Variants in JMJD1C observed in about 807,000 individuals in gnomAD.
The protein encoded by JMJD1C is jumonji domain-containing protein 1C.
A neutral mutation model predicts 245.3 loss-of-function variants in JMJD1C; 31 were observed. That is an observed-to-expected ratio of 0.13 (90% CI 0.09 to 0.17). The LOEUF (loss-of-function observed/expected upper bound fraction) is 0.17. Among genes scored for constraint, JMJD1C ranks in the 10% least tolerant of loss-of-function variants. JMJD1C has a pLI of 1.00. For missense variants in JMJD1C, 2,691 were observed against 3,000.2 expected, an observed-to-expected ratio of 0.90 and a Z score of 2.41; for synonymous variants, 1,057 against 1,017.4, an observed-to-expected ratio of 1.04 and a Z score of -0.74.
intron 2 of JMJD1C, among the ~76,000 whole-genome samples, chr10:63,368,677 G>A (rs1420314455): frequency 6.6e-6 from 1 of 152,148 alleles, no homozygotes; most frequent in African/African-American, 2.4e-5. Context: ...TTTACCTTAT[G>A]TAAATAAATC....
intron 10 of JMJD1C, chr10:63,202,359 A>G (rs760736064): frequency 8.1e-6 from 8 of 984,616 alleles, no homozygotes; most frequent in Non-Finnish European, 9.6e-6. Flanking sequence ...TATATGTCAG[A>G]TATTAGATTT....
intron 23 of JMJD1C, chr10:63,177,281 A>G (rs1260471941): frequency 5.4e-6 from 1 of 185,016 alleles, no homozygotes; most frequent in Non-Finnish European, 1.1e-5. Flanking sequence ...TAAGTATCAT[A>G]GTATCAGATG....
chr10:63,362,439 T>C (rs1945466084), intron 2 of JMJD1C, among the ~76,000 whole-genome samples: 2 of 149,854 alleles, frequency 1.3e-5, no homozygotes, highest in South Asian at 4.3e-4. Flanking sequence ...ATCACAATAG[T>C]TTAAATAGTT....
chr10:63,434,445 T>C (rs1417831904), intron 1 of JMJD1C, among the ~76,000 whole-genome samples: 1 of 152,086 alleles, frequency 6.6e-6, no homozygotes, highest in Non-Finnish European at 1.5e-5. Context: ...GGAGCCTTTG[T>C]AAGTCAAGGA....
chr10:63,363,486 G>A (rs1945580329), intron 2 of JMJD1C, among the ~76,000 whole-genome samples: 1 of 151,936 alleles, frequency 6.6e-6, no homozygotes, highest in African/African-American at 2.4e-5. Context: ...GAGAACTCAT[G>A]AGTTCAGGGA....
chr10:63,399,991 T>A (rs1181170191), intron 1 of JMJD1C, among the ~76,000 whole-genome samples: 5 of 152,122 alleles, frequency 3.3e-5, no homozygotes, highest in African/African-American at 1.2e-4. Flanking sequence ...CTCAAATATA[T>A]TTACTTAAAT....
chr10:63,446,086 G>A (rs937347330), intron 1 of JMJD1C, among the ~76,000 whole-genome samples: 1 of 151,800 alleles, frequency 6.6e-6, no homozygotes. Context: ...TGTTGCCCAG[G>A]CTGGTCTTGA....
At chr10:63,259,480 G>C (rs551800404) in intron 3 of JMJD1C, among the ~76,000 whole-genome samples, 1 of 152,074 alleles carries the variant, frequency 6.6e-6, no homozygotes, top group Non-Finnish European at 1.5e-5. Flanking sequence ...CTAGGCAACT[G>C]TTTGAGCTAT....
intron 1 of JMJD1C, among the ~76,000 whole-genome samples, chr10:63,419,151 C>T (rs1004757078): frequency 8.6e-5 from 13 of 150,552 alleles, no homozygotes; most frequent in Non-Finnish European, 1.2e-4. Context: ...TTTGGGAGGC[C>T]GAGGAGGGTC....
chr10:63,205,080 G>A, intron 10 of JMJD1C: 4 of 929,466 alleles, frequency 4.3e-6, no homozygotes, highest in Non-Finnish European at 5.1e-6. Flanking sequence ...AGAGTAAAAT[G>A]ATATAGAAAC....
chr10:63,300,020 T>C (rs1270678576), intron 2 of JMJD1C, among the ~76,000 whole-genome samples: 8 of 152,176 alleles, frequency 5.3e-5, no homozygotes, highest in Admixed American at 3.9e-4. Flanking sequence ...TTGATGAGTA[T>C]GTACAATTAG....
At chr10:63,337,986 C>T (rs190016419) in intron 2 of JMJD1C, among the ~76,000 whole-genome samples, 1 of 152,300 alleles carries the variant, frequency 6.6e-6, no homozygotes, top group African/African-American at 2.4e-5. Flanking sequence ...AACATACAAG[C>T]TCATAATCTT....
intron 2 of JMJD1C, among the ~76,000 whole-genome samples, chr10:63,370,731 G>A (rs1946247053): frequency 6.6e-6 from 1 of 152,200 alleles, no homozygotes; most frequent in Non-Finnish European, 1.5e-5. Flanking sequence ...ATTAAGGACA[G>A]TTTTTTAAAT....
chr10:63,253,177 A>T (rs373369191), intron 3 of JMJD1C, among the ~76,000 whole-genome samples: 1 of 152,318 alleles, frequency 6.6e-6, no homozygotes, highest in East Asian at 1.9e-4. Flanking sequence ...TACTGGAAGT[A>T]ATCAAAACAG....
chr10:63,511,955 T>C lies in JMJD1C; in HGVS notation n.113+9783A>G, dbSNP rs1954885447. On this transcript the variant is annotated intron_variant and non_coding_transcript_variant, in intron 1 of 3. Coordinates refer to the JMJD1C transcript ENST00000633035. ...TTCAATTTTTACTTCTCTCAGCGGT[T>C]TCCCTGGAGTTTGCAATAAACACTT... Among the ~76,000 whole-genome samples, 4 of 152,194 alleles carry C rather than the reference T, an allele frequency of 2.6e-5. No homozygotes were observed. In the South Asian group the frequency reaches 8.3e-4, roughly 31 times the overall value.
chr10:63,261,323 T>C (rs951513983), intron 3 of JMJD1C, among the ~76,000 whole-genome samples: 5 of 152,192 alleles, frequency 3.3e-5, no homozygotes, highest in Non-Finnish European at 7.3e-5. Flanking sequence ...CTCACAACTG[T>C]ATTCTCAGTA....
intron 1 of JMJD1C, among the ~76,000 whole-genome samples, chr10:63,514,851 T>A: frequency 6.6e-6 from 1 of 152,234 alleles, no homozygotes; most frequent in East Asian, 1.9e-4. Context: ...CATATTTAGC[T>A]ATGGTTCTGA....
At chr10:63,374,666 T>C (rs1211726891) in intron 2 of JMJD1C, among the ~76,000 whole-genome samples, 1 of 152,206 alleles carries the variant, frequency 6.6e-6, no homozygotes, top group Non-Finnish European at 1.5e-5. Flanking sequence ...TTGCTTATAA[T>C]GCTCCCTAGA....
intron 22 of JMJD1C, among the ~76,000 whole-genome samples, chr10:63,179,814 C>A (rs1843258545): frequency 6.6e-6 from 1 of 151,420 alleles, no homozygotes; most frequent in East Asian, 1.9e-4. Context: ...TCTTTTGCAG[C>A]AACATGGATG....
Sources: gnomAD v4.1 joint callset for allele counts (sites outside exome capture counted in the v4.1 genomes callset) on GRCh38, gnomAD v4.1.1 for gene constraint, MANE v1.5 for transcripts, NCBI Gene and HGNC (gene_info 2026-07-23, HGNC 2026-07-21) for gene names.